Variants in ACTN1 observed in about 807,000 individuals in gnomAD.
The protein encoded by ACTN1 is actinin alpha 1.
In ACTN1, 30 loss-of-function variants were observed where a neutral mutation model predicts 119.6. The ratio of observed to expected loss-of-function variants is 0.25; its 90% CI spans 0.19 to 0.34. ACTN1 has a LOEUF of 0.34. ACTN1 is among the 10% of genes least tolerant of loss of function. The probability of loss-of-function intolerance (pLI) is 1.00; values close to 1 mark genes in which losing one functional copy is unlikely to be tolerated. For missense variants in ACTN1, 764 were observed against 1,223.4 expected (o/e 0.62, Z 5.60); for synonymous variants, 429 against 472.6 (o/e 0.91, Z 1.20).
intron 1 of ACTN1, among the ~76,000 whole-genome samples, chr14:68,959,119 C>G (rs563072062): frequency 6.6e-6 from 1 of 152,302 alleles, no homozygotes; most frequent in Admixed American, 6.5e-5. Context: ...GAACTCAGAG[C>G]CAGGAGTCCA....
chr14:68,921,001 C>T lies in ACTN1; in HGVS notation c.340+5G>A, dbSNP rs1179034588. 1.2e-6 allele frequency: 2 copies of T among 1,613,960 alleles called. No homozygotes were observed. The highest frequency in any genetic ancestry group is 3.3e-5 in the Admixed American group (2 of 59,994). On this transcript the variant is annotated splice_donor_5th_base_variant and intron_variant, in intron 3 of 21. Coordinates refer to ENST00000394419, the MANE Select transcript of ACTN1 (RefSeq NM_001130004.2). ...CTCCTTGGGGCCACCAGAGGTAGGC[C>T]TTACCTTCGGCTCCGATGGACACCA...
rs17113933 is a variant in ACTN1, at chr14:68,888,018, G to A, written c.1234+2121C>T. ...TTTGCAGGAGGTTTAACTGACAACC[G>A]CGCCGATCTCCTCTTGGGCTTTTCC... On this transcript the variant is annotated intron_variant, in intron 11 of 21. Transcript: ENST00000394419. The A allele has an allele frequency of 2.2e-3, 1,641 of 743,474 alleles. 29 individuals are homozygous for A. In the African/African-American group the frequency reaches 0.026, roughly 12 times the overall value. 46.1% of individuals were successfully genotyped at this position (743,474 alleles called of 1,614,324 possible).
intron 1 of ACTN1, among the ~76,000 whole-genome samples, chr14:68,937,258 T>C (rs1298091166): frequency 1.3e-5 from 2 of 151,944 alleles, no homozygotes; most frequent in Admixed American, 1.3e-4. Context: ...AAAAGAAAAG[T>C]CTGTCTGGGA....
chr14:68,907,803 G>T (rs1778991892), intron 6 of ACTN1, among the ~76,000 whole-genome samples: 1 of 152,070 alleles, frequency 6.6e-6, no homozygotes, highest in African/African-American at 2.4e-5. Flanking sequence ...CTTTAGTGGG[G>T]ATGTCCAACA....
intron 1 of ACTN1, among the ~76,000 whole-genome samples, chr14:68,927,229 T>G (rs946955097): frequency 1.3e-5 from 2 of 152,094 alleles, no homozygotes; most frequent in African/African-American, 4.8e-5. Context: ...CAAGACTGGG[T>G]AGAGATATCA....
At chr14:68,912,370 G>A in intron 3 of ACTN1, 128 bp from the exon 4 acceptor site, 1 of 744,512 alleles carries the variant, frequency 1.3e-6, no homozygotes, top group Middle Eastern at 2.5e-4. Flanking sequence ...TACTTCTAGA[G>A]GGAAACAGGA....
Position 68,909,825 on chromosome 14 carries a change from G to C in ACTN1, c.515+130C>G, listed in dbSNP as rs2033894251. ...AGCGATGGCGACATCCCCTTCCCAA[G>C]GAAAGCTACTTCTTCCCCCAGAGGT... On this transcript the variant is annotated intron_variant, in intron 5 of 21. Coordinates refer to ENST00000394419, the MANE Select transcript of ACTN1 (RefSeq NM_001130004.2). This position sits in a 1 kb window ranked among gnomAD's most constrained non-coding sequence, Gnocchi z 4.1. 4.1e-6 allele frequency: 3 copies of C among 738,860 alleles called. No homozygotes were observed. The allele number at this position is 738,860 out of a possible 1,614,324, so 45.8% of individuals were successfully genotyped here. A position where few individuals can be genotyped will look rare whatever the true frequency, so the allele number is the denominator to read the frequency against.
At chr14:68,877,331 C>T (rs1371640502) in intron 20 of ACTN1, 91 bp from the exon 21 acceptor site, 1 of 1,510,208 alleles carries the variant, frequency 6.6e-7, no homozygotes, top group East Asian at 2.3e-5. Context: ...TCAGAGCAGC[C>T]TATGGCTGGA....
intron 1 of ACTN1, among the ~76,000 whole-genome samples, chr14:68,939,164 C>G (rs2035675865): frequency 6.6e-6 from 1 of 152,214 alleles, no homozygotes; most frequent in East Asian, 1.9e-4. Flanking sequence ...CAGGTGGAAC[C>G]TATGGGCTCC....
chr14:68,875,384 C>G (rs183456256), intron 21 of ACTN1, among the ~76,000 whole-genome samples: 51 of 152,326 alleles, frequency 3.3e-4, no homozygotes, highest in African/African-American at 1.1e-3. Context: ...CTGGGGAGAC[C>G]CCACACGCAC....
intron 1 of ACTN1, among the ~76,000 whole-genome samples, chr14:68,955,797 C>T (rs1020774063): frequency 6.6e-6 from 1 of 152,226 alleles, no homozygotes. Context: ...GCCAACCAGA[C>T]CACGTGCTCC....
intron 1 of ACTN1, among the ~76,000 whole-genome samples, chr14:68,948,121 C>T (rs1266658785): frequency 6.6e-6 from 1 of 152,248 alleles, no homozygotes. Context: ...GGACAGAAAG[C>T]ACACAGAGGT....
chr14:68,960,760 A>C (rs951207958), intron 1 of ACTN1, among the ~76,000 whole-genome samples: 1 of 151,960 alleles, frequency 6.6e-6, no homozygotes, highest in African/African-American at 2.4e-5. Flanking sequence ...AAAAAAAAAA[A>C]AAAAATTAAA....
intron 7 of ACTN1, among the ~76,000 whole-genome samples, chr14:68,904,196 A>G (rs1274176007): frequency 6.6e-6 from 1 of 152,072 alleles, no homozygotes; most frequent in African/African-American, 2.4e-5. Flanking sequence ...ACAGATGAGA[A>G]AAACACCATG....
intron 20 of ACTN1, 104 bp from the exon 21 acceptor site, chr14:68,877,344 A>G (rs2031021577): frequency 7.1e-7 from 1 of 1,402,230 alleles, no homozygotes; most frequent in Admixed American, 2.0e-5. Context: ...TGGCTGGAAG[A>G]GAAGGGCACA....
At chr14:68,960,067 G>C (rs2036476865) in intron 1 of ACTN1, among the ~76,000 whole-genome samples, 1 of 152,124 alleles carries the variant, frequency 6.6e-6, no homozygotes, top group Non-Finnish European at 1.5e-5. Flanking sequence ...TCAGTAAGTG[G>C]AAGTGGATCA....
At chr14:68,891,336 A>G (rs1459440430) in intron 10 of ACTN1, among the ~76,000 whole-genome samples, 2 of 152,232 alleles carry the variant, frequency 1.3e-5, no homozygotes, top group Non-Finnish European at 2.9e-5. Context: ...ACCTAAAAGA[A>G]GAGTATTTTA....
At chr14:68,929,005 C>CGTTCGTGGG (rs2035074130) in intron 1 of ACTN1, among the ~76,000 whole-genome samples, 1 of 145,506 alleles carries the variant, frequency 6.9e-6, no homozygotes, top group Non-Finnish European at 1.5e-5. Flanking sequence ...AACTGTGGCA[C>CGTTCGTGGG]ATTCGTGGGA....
At position 68,878,858 on chromosome 14, in the gene ACTN1, G is replaced by C; in HGVS notation, c.2361+131C>G. On this transcript the variant is annotated intron_variant, in intron 19 of 21. Coordinates refer to ENST00000394419, the MANE Select transcript of ACTN1 (RefSeq NM_001130004.2). The surrounding 1 kb of genome is among the most constrained non-coding windows in gnomAD (Gnocchi z 4.4). Reference sequence around the variant, plus strand: ...AGTGATGGGGCAGACAGAGACAGCAGGAGAGGACGAGCCCCATGGCCCACA... The same window carrying C: ...AGTGATGGGGCAGACAGAGACAGCACGAGAGGACGAGCCCCATGGCCCACA... 6.3e-7 allele frequency: 1 copy of C among 1,596,508 alleles called. No homozygotes were observed. The highest frequency in any genetic ancestry group is 8.5e-7 in the Non-Finnish European group (1 of 1,178,066).
Sources: allele counts gnomAD v4.1 joint callset (sites outside exome capture counted in the v4.1 genomes callset), GRCh38; gene constraint gnomAD v4.1.1; non-coding constraint Gnocchi (gnomAD v3.1); transcripts MANE v1.5; gene names NCBI Gene and HGNC (gene_info 2026-07-23, HGNC 2026-07-21).